The following HPN variants were observed in gnomAD, a reference collection of about 807,000 sequenced individuals.
The protein encoded by HPN is serine protease hepsin.
In HPN, 13 loss-of-function variants were observed where a neutral mutation model predicts 55.9. The ratio of observed to expected loss-of-function variants is 0.23; its 90% CI spans 0.15 to 0.37. The LOEUF (loss-of-function observed/expected upper bound fraction) is 0.37, where lower values mean the gene tolerates loss of function less well. HPN is among the 10% of genes least tolerant of loss of function. The pLI is 1.00. For missense variants in HPN, 451 were observed against 575.8 expected, an observed-to-expected ratio of 0.78 and a Z score of 2.22; for synonymous variants, 225 against 240.3, an observed-to-expected ratio of 0.94 and a Z score of 0.59.
At chr19:35,061,084 A>T (rs2064526410) in intron 9 of HPN, among the ~76,000 whole-genome samples, 1 of 152,230 alleles carries the variant, frequency 6.6e-6, no homozygotes, top group African/African-American at 2.4e-5. Flanking sequence ...TATACCTAAG[A>T]CAAATGGAAA....
chr19:35,041,751 G>A lies in HPN; in HGVS notation c.-176G>A. The A allele has an allele frequency of 8.2e-7, 1 of 1,215,264 alleles. No individual in the cohort carries two copies. Among genetic ancestry groups the A allele is most frequent in the African/African-American group, 1.9e-5 (1 of 53,716 alleles). The allele number at this position is 1,215,264 out of a possible 1,614,324, so 75.3% of individuals were successfully genotyped here. ...GGCAGCCTGGCCTAGCAGGCCCCAC[G>A]CCACCGCCTCTGCCTCCAGGCCGCC... On this transcript the variant is annotated 5_prime_UTR_variant, in exon 1 of 13. Coordinates refer to ENST00000672452, the MANE Select transcript of HPN (RefSeq NM_001384133.1).
At chr19:35,046,384 A>G (rs529537248) in intron 2 of HPN, among the ~76,000 whole-genome samples, 2 of 152,094 alleles carry the variant, frequency 1.3e-5, no homozygotes, top group African/African-American at 4.8e-5. Context: ...AGCTGGGACT[A>G]TAGGCGCCCG....
At chr19:35,063,524 C>T (rs540547975) in intron 9 of HPN, among the ~76,000 whole-genome samples, 5 of 152,278 alleles carry the variant, frequency 3.3e-5, no homozygotes, top group South Asian at 4.1e-4. Flanking sequence ...GCCTGGCCAA[C>T]GTGGTGAAAC....
chr19:35,042,629 C>G (rs1290054421), intron 2 of HPN, 107 bp downstream of exon 2: 1 of 802,994 alleles, frequency 1.2e-6, no homozygotes, highest in Non-Finnish European at 1.9e-6. Context: ...CTGGGCACCC[C>G]TCCCAGATGC....
Position 35,049,266 on chromosome 19 carries a change from G to T in HPN, c.17-24G>T, listed in dbSNP as rs560583847. 2.7e-6 allele frequency: 4 copies of T among 1,504,582 alleles called. No homozygotes were observed. In the Admixed American group the frequency reaches 8.3e-5, roughly 31 times the overall value. The allele number at this position is 1,504,582 out of a possible 1,614,324, so 93.2% of individuals were successfully genotyped here. A position where few individuals can be genotyped will look rare whatever the true frequency, so the allele number is the denominator to read the frequency against. On this transcript the variant is annotated intron_variant, in intron 2 of 12. Transcript: ENST00000672452. ...CGCAATGAGGACAGGCCTGGCTGTG[G>T]CCCCAGCATGGTGTCTGTTGCAGGT... is the stretch of plus-strand genomic sequence containing the variant.
intron 4 of HPN, among the ~76,000 whole-genome samples, chr19:35,053,790 C>G (rs1249064909): frequency 1.3e-5 from 2 of 151,854 alleles, no homozygotes; most frequent in South Asian, 2.1e-4. Context: ...ATCCGCCCCC[C>G]TCCCCGCCCC....
intron 4 of HPN, chr19:35,050,432 G>C: frequency 1.8e-6 from 2 of 1,141,924 alleles, no homozygotes; most frequent in South Asian, 1.3e-5. Context: ...CTGGTAATTA[G>C]CTCCATTTTA....
chr19:35,062,094 A>AAAGG (rs1299326044), intron 9 of HPN, among the ~76,000 whole-genome samples: 8 of 152,206 alleles, frequency 5.3e-5, no homozygotes, highest in Middle Eastern at 3.4e-3. Flanking sequence ...GAAAGAAAAG[A>AAAGG]AAGGAAGGAA....
chr19:35,060,250 T>C lies in HPN; in HGVS notation c.454+81T>C, dbSNP rs762498102. ...CCTCAAGCTCCCCAGGATGGGGCCA[T>C]GTACTTTCAGACCCCCTAGGGCAGG... On this transcript the variant is annotated intron_variant, in intron 7 of 12. Coordinates refer to ENST00000672452, the MANE Select transcript of HPN (RefSeq NM_001384133.1). The C allele has an allele frequency of 2.5e-6, 4 of 1,606,562 alleles. No homozygotes were observed. In the African/African-American group the frequency reaches 4.0e-5, roughly 16 times the overall value.
intron 4 of HPN, 92 bp downstream of exon 4, chr19:35,049,608 A>G: frequency 8.9e-7 from 1 of 1,123,342 alleles, no homozygotes; most frequent in South Asian, 1.3e-5. Flanking sequence ...GAATAAATGC[A>G]CAAATGCATG....
intron 12 of HPN, 50 bp downstream of exon 12, chr19:35,066,082 A>G (rs1353494140): frequency 6.2e-7 from 1 of 1,610,330 alleles, no homozygotes; most frequent in Admixed American, 1.7e-5. Context: ...TTGGGTGTCT[A>G]ATGGGGGAAG....
intron 4 of HPN, among the ~76,000 whole-genome samples, chr19:35,055,234 A>C (rs1447342935): frequency 6.6e-6 from 1 of 152,040 alleles, no homozygotes; most frequent in Non-Finnish European, 1.5e-5. Context: ...TCCTAACATA[A>C]AAAAATAAAC....
Position 35,065,984 on chromosome 19 carries a change from C to A in HPN, c.1167C>A (p.Val389=). 6.2e-7 allele frequency: 1 copy of A among 1,613,256 alleles called. No individual in the cohort carries two copies. Among genetic ancestry groups the A allele is most frequent in the East Asian group, 2.2e-5 (1 of 44,880 alleles). Residue 389 remains valine (V), a synonymous_variant, in exon 12 of 13, where the codon GTC becomes GTA. Coordinates refer to ENST00000672452, the MANE Select transcript of HPN (RefSeq NM_001384133.1). ...TGCALAQKPG[V]YTKVSDFREW... Reference sequence around the variant, plus strand: ...GTGCCCTGGCCCAGAAGCCAGGCGTCTACACCAAAGTCAGTGACTTCCGGG... The same window carrying A: ...GTGCCCTGGCCCAGAAGCCAGGCGTATACACCAAAGTCAGTGACTTCCGGG...
At chr19:35,055,696 T>C (rs1227522497) in intron 4 of HPN, among the ~76,000 whole-genome samples, 4 of 124,778 alleles carry the variant, frequency 3.2e-5, no homozygotes, top group African/African-American at 1.2e-4. Context: ...CAGAGCCTCC[T>C]CCCTGGCCTC....
intron 4 of HPN, among the ~76,000 whole-genome samples, chr19:35,052,492 G>A (rs995981497): frequency 2.2e-5 from 3 of 138,226 alleles, no homozygotes; most frequent in African/African-American, 8.3e-5. Flanking sequence ...CTGAGATCAC[G>A]CCACTGCACT....
chr19:35,048,472 A>G (rs2064370404), intron 2 of HPN, among the ~76,000 whole-genome samples: 1 of 152,262 alleles, frequency 6.6e-6, no homozygotes, highest in African/African-American at 2.4e-5. Context: ...CTTGAAAATA[A>G]CTTTAAATTA....
rs2064611721 is a variant in HPN at position 35,066,529 on chromosome 19, CT to C, written c.*243del. 3.6e-6 allele frequency: 2 copies of C among 561,036 alleles called. No individual in the cohort carries two copies. The highest frequency in any genetic ancestry group is 2.9e-5 in the East Asian group (1 of 34,720). The allele number at this position is 561,036 out of a possible 1,614,324, so 34.8% of individuals were successfully genotyped here. Reference sequence around the variant, plus strand: ...GTCTGGGACTCCTGTCTAGGTGCCCCTGATGACGGGATGCTCTTTAAATAAT... The same window carrying C: ...GTCTGGGACTCCTGTCTAGGTGCCCCGATGACGGGATGCTCTTTAAATAAT... On this transcript the variant is annotated 3_prime_UTR_variant, in exon 13 of 13. Transcript: ENST00000672452.
intron 4 of HPN, among the ~76,000 whole-genome samples, chr19:35,052,936 A>G (rs924055485): frequency 2.6e-4 from 39 of 152,146 alleles, no homozygotes; most frequent in African/African-American, 9.4e-4. Context: ...CCACGCCGCC[A>G]CCCTGCAGAG....
chr19:35,054,990 A>G lies in HPN; in HGVS notation c.161-4683A>G, dbSNP rs75700259. Among the ~76,000 whole-genome samples the G allele has an allele frequency of 4.3e-3, 648 of 152,250 alleles. 5 individuals carry two copies. The highest frequency in any genetic ancestry group is 0.015 in the African/African-American group (616 of 41,546). On this transcript the variant is annotated intron_variant, in intron 4 of 12. Coordinates refer to ENST00000672452, the MANE Select transcript of HPN (RefSeq NM_001384133.1). ...ACTCGGTTTCCCAGAATGTGCTCTC[A>G]GAGCCCAGGCCAGGCAGGAGGCTCT...
Sources: gnomAD v4.1 joint callset for allele counts (sites outside exome capture counted in the v4.1 genomes callset) on GRCh38, gnomAD v4.1.1 for gene constraint, MANE v1.5 for transcripts, NCBI Gene and HGNC (gene_info 2026-07-23, HGNC 2026-07-21) for gene names.